Variants in SHTN1 observed in about 807,000 individuals in gnomAD.
SHTN1 encodes the protein shootin 1, also known as shootin-1.
In SHTN1, 42 loss-of-function variants were observed where a neutral mutation model predicts 83.1. The observed-to-expected ratio is 0.51, with a 90% CI of 0.39 to 0.65. The LOEUF (loss-of-function observed/expected upper bound fraction) is 0.65, where lower values mean the gene tolerates loss of function less well. Among genes scored for constraint, SHTN1 ranks in the 30% least tolerant of loss-of-function variants. The probability of loss-of-function intolerance (pLI) is 0.00; values close to 1 mark genes in which losing one functional copy is unlikely to be tolerated. For synonymous variants in SHTN1, 224 were observed against 247.7 expected, an observed-to-expected ratio of 0.90 and a Z score of 0.90; for missense variants, 622 against 737.8, an observed-to-expected ratio of 0.84 and a Z score of 1.82.
At chr10:116,951,113 T>C (rs1487093882) in intron 6 of SHTN1, among the ~76,000 whole-genome samples, 5 of 152,130 alleles carry the variant, frequency 3.3e-5, no homozygotes, top group Non-Finnish European at 7.3e-5. Context: ...GAGGGTCTTG[T>C]TCTGAAAGAC....
chr10:117,101,236 A>G (rs1256594267), intron 1 of SHTN1, among the ~76,000 whole-genome samples: 1 of 152,202 alleles, frequency 6.6e-6, no homozygotes, highest in Non-Finnish European at 1.5e-5. Flanking sequence ...CACCTTATAT[A>G]ACATTGTATC....
At chr10:117,036,178 C>T (rs1053796762) in intron 2 of SHTN1, among the ~76,000 whole-genome samples, 2 of 152,066 alleles carry the variant, frequency 1.3e-5, no homozygotes, top group African/African-American at 4.8e-5. Context: ...CCCTCATACA[C>T]TGCTGGGGGA....
chr10:117,053,938 C>T (rs1241603948), intron 1 of SHTN1, among the ~76,000 whole-genome samples: 3 of 152,112 alleles, frequency 2.0e-5, no homozygotes, highest in Admixed American at 6.5e-5. Context: ...ATGATACATG[C>T]TACAATATGG....
intron 6 of SHTN1, among the ~76,000 whole-genome samples, chr10:116,951,360 C>T (rs765497105): frequency 3.6e-4 from 55 of 152,186 alleles, no homozygotes; most frequent in African/African-American, 1.2e-3. Context: ...GAGGTTGAGG[C>T]GGCAGTGAGC....
At chr10:116,976,331 G>A (rs1850805858) in intron 2 of SHTN1, among the ~76,000 whole-genome samples, 1 of 152,146 alleles carries the variant, frequency 6.6e-6, no homozygotes, top group African/African-American at 2.4e-5. Context: ...AAAAGATCCT[G>A]CCCAAAGGAA....
intron 2 of SHTN1, among the ~76,000 whole-genome samples, chr10:117,037,110 C>A (rs1852509232): frequency 6.6e-6 from 1 of 152,088 alleles, no homozygotes; most frequent in Non-Finnish European, 1.5e-5. Flanking sequence ...TTCCTATATG[C>A]CAGCAATGAA....
intron 6 of SHTN1, 32 bp from the exon 7 acceptor site, chr10:116,949,029 A>T: frequency 6.7e-7 from 1 of 1,492,454 alleles, no homozygotes; most frequent in Non-Finnish European, 8.9e-7. Context: ...GGGAGAAAAC[A>T]CCAAAAATTG....
Position 116,990,913 on chromosome 10 carries a change from G to A in SHTN1, c.59-11605C>T, listed in dbSNP as rs532074569. 4.6e-5 allele frequency among the ~76,000 whole-genome samples: 7 copies of A among 152,222 alleles called. No homozygotes were observed. The South Asian group carries it at 6.2e-4, about 14-fold the overall frequency. On this transcript the variant is annotated intron_variant, in intron 1 of 16. Transcript: ENST00000355371. ...AAGGGCTTCTTGGTTTTGGCCGGGC[G>A]CAGTGGCTCACACCTGCAATCTCAG...
intron 14 of SHTN1, chr10:116,911,531 G>A: frequency 6.4e-7 from 1 of 1,550,542 alleles, no homozygotes; most frequent in Middle Eastern, 1.7e-4. Context: ...TGCCAGGATT[G>A]GAGGGCAAGA....
intron 12 of SHTN1, among the ~76,000 whole-genome samples, chr10:116,918,384 T>C (rs1848444139): frequency 6.6e-6 from 1 of 151,974 alleles, no homozygotes; most frequent in Admixed American, 6.6e-5. Flanking sequence ...TAAAACCTTC[T>C]GCTATTACCT....
chr10:116,909,767 G>T (rs1848118414), intron 14 of SHTN1, among the ~76,000 whole-genome samples: 1 of 152,194 alleles, frequency 6.6e-6, no homozygotes, highest in Middle Eastern at 3.4e-3. Flanking sequence ...CTTAGCAGAA[G>T]GCCAAATCAC....
At chr10:117,095,389 T>C (rs954632795) in intron 1 of SHTN1, among the ~76,000 whole-genome samples, 1 of 152,216 alleles carries the variant, frequency 6.6e-6, no homozygotes, top group East Asian at 1.9e-4. Flanking sequence ...ACTCAACATG[T>C]CTGAAGACTC....
intron 12 of SHTN1, among the ~76,000 whole-genome samples, chr10:116,918,385 G>C (rs1035755885): frequency 8.6e-5 from 13 of 150,624 alleles, no homozygotes; most frequent in Non-Finnish European, 1.8e-4. Context: ...AAAACCTTCT[G>C]CTATTACCTT....
chr10:116,905,196 G>A (rs866330564), intron 15 of SHTN1, among the ~76,000 whole-genome samples: 148 of 138,600 alleles, frequency 1.1e-3, no homozygotes, highest in African/African-American at 3.6e-3. Flanking sequence ...GCGACAGAGC[G>A]AGACTCCGTC....
chr10:117,028,550 A>G (rs1179130696), intron 2 of SHTN1, among the ~76,000 whole-genome samples: 1 of 152,126 alleles, frequency 6.6e-6, no homozygotes, highest in Non-Finnish European at 1.5e-5. Context: ...TTCCTGGGCC[A>G]GGCCCAGTGC....
intron 2 of SHTN1, among the ~76,000 whole-genome samples, chr10:117,037,418 C>T (rs1424458536): frequency 6.6e-6 from 1 of 152,084 alleles, no homozygotes; most frequent in Non-Finnish European, 1.5e-5. Context: ...AATCAAAGAA[C>T]TTAATAAATG....
chr10:116,931,542 C>T (rs1848967449), intron 9 of SHTN1, among the ~76,000 whole-genome samples: 1 of 152,194 alleles, frequency 6.6e-6, no homozygotes, highest in Non-Finnish European at 1.5e-5. Context: ...AGCCACCACA[C>T]CTGGCCTGAA....
chr10:116,885,427 C>CT lies in SHTN1; in HGVS notation c.*916dup, dbSNP rs1847136217. 6.6e-6 allele frequency: 1 copy of CT among 152,122 alleles called. No homozygotes were observed. The highest frequency in any genetic ancestry group is 2.4e-5 in the African/African-American group (1 of 41,252). The allele number at this position is 152,122 out of a possible 1,614,324, so 9.4% of individuals were successfully genotyped here. On this transcript the variant is annotated 3_prime_UTR_variant, in exon 17 of 17. Coordinates refer to ENST00000355371, the MANE Select transcript of SHTN1 (RefSeq NM_001127211.3). ...GCCTGAAACATTGTATTTTTAGAGA[C>CT]TAACTACTGCTTAATTTCTTTTTTA...
chr10:116,908,631 G>A (rs1046013597), intron 14 of SHTN1, among the ~76,000 whole-genome samples: 5 of 152,184 alleles, frequency 3.3e-5, no homozygotes, highest in Non-Finnish European at 5.9e-5. Context: ...CAAGGACACT[G>A]TGTAGTTTTT....
Sources: allele counts gnomAD v4.1 joint callset (sites outside exome capture counted in the v4.1 genomes callset), GRCh38; gene constraint gnomAD v4.1.1; transcripts MANE v1.5; gene names NCBI Gene and HGNC (gene_info 2026-07-23, HGNC 2026-07-21).